Variants in EGF observed in about 807,000 individuals in gnomAD.
EGF encodes the protein epidermal growth factor, also known as pro-epidermal growth factor.
In EGF, 95 loss-of-function variants were observed where a neutral mutation model predicts 143.8. The observed-to-expected ratio is 0.66, with a 90% CI of 0.56 to 0.78. EGF has a LOEUF of 0.78. Ranked by LOEUF, EGF falls within the 30% of genes least tolerant of loss-of-function variation. The pLI is 0.00. For synonymous variants in EGF, 510 were observed against 510.5 expected (o/e 1.00, Z 0.01); for missense variants, 1,320 against 1,470.9 (o/e 0.90, Z 1.68).
intron 5 of EGF, among the ~76,000 whole-genome samples, chr4:109,951,258 T>G (rs1743871869): frequency 6.6e-6 from 1 of 152,104 alleles, no homozygotes; most frequent in African/African-American, 2.4e-5. Context: ...TTTGGGAGGC[T>G]GAGACAGGAG....
intron 1 of EGF, among the ~76,000 whole-genome samples, chr4:109,927,585 G>A (rs575670249): frequency 2.0e-5 from 3 of 151,934 alleles, no homozygotes; most frequent in African/African-American, 4.8e-5. Context: ...TTAGTTGGGC[G>A]TGGTGGCGGG....
At chr4:109,977,595 T>C (rs935881139) in intron 13 of EGF, 1 of 149,604 alleles carries the variant, frequency 6.7e-6, no homozygotes, top group Non-Finnish European at 1.5e-5. Context: ...TCCCAGCACT[T>C]TGGGAGGCCA....
intron 1 of EGF, among the ~76,000 whole-genome samples, chr4:109,927,549 C>A (rs1738905666): frequency 6.6e-6 from 1 of 151,740 alleles, no homozygotes; most frequent in Admixed American, 6.6e-5. Flanking sequence ...ACAGTGAAAC[C>A]CCGTCTCTAC....
At chr4:109,917,911 C>T (rs1204515611) in intron 1 of EGF, among the ~76,000 whole-genome samples, 8 of 152,160 alleles carry the variant, frequency 5.3e-5, no homozygotes, top group Non-Finnish European at 8.8e-5. Flanking sequence ...TGAGCCACCA[C>T]GACTGGCCTC....
intron 15 of EGF, among the ~76,000 whole-genome samples, chr4:109,982,083 C>A (rs1749456320): frequency 6.6e-6 from 1 of 151,548 alleles, no homozygotes; most frequent in Non-Finnish European, 1.5e-5. Flanking sequence ...CACAGGCATG[C>A]ACCACCATGC....
At chr4:109,986,821 G>A (rs998819608) in intron 16 of EGF, among the ~76,000 whole-genome samples, 1 of 152,036 alleles carries the variant, frequency 6.6e-6, no homozygotes, top group Non-Finnish European at 1.5e-5. Context: ...GATTTCAATG[G>A]AGTATGAAAT....
intron 11 of EGF, among the ~76,000 whole-genome samples, chr4:109,970,790 A>T (rs377314387): frequency 7.3e-6 from 1 of 137,118 alleles, no homozygotes; most frequent in Non-Finnish European, 1.5e-5. Context: ...GCACCACTGC[A>T]CTCCAGCCTG....
At chr4:109,984,647 A>G (rs11569033) in intron 16 of EGF, among the ~76,000 whole-genome samples, 1,926 of 152,292 alleles carry the variant, frequency 0.013, 23 homozygotes, top group Non-Finnish European at 0.017. Flanking sequence ...AAAAAAATCC[A>G]GGTATAAGTG....
chr4:109,992,170 TAAAAAAAAA>T lies in EGF; in HGVS notation c.2735-1055_2735-1047del, dbSNP rs58841408. Among the ~76,000 whole-genome samples, 20 of 65,640 alleles carry T rather than the reference TAAAAAAAAA, an allele frequency of 3.0e-4. No individual in the cohort carries two copies. In the East Asian group the frequency reaches 3.6e-3, roughly 12 times the overall value. The allele number at this position is 65,640 out of a possible 152,430, so 43.1% of individuals were successfully genotyped here. A position where few individuals can be genotyped will look rare whatever the true frequency, so the allele number is the denominator to read the frequency against. On this transcript the variant is annotated intron_variant, in intron 18 of 23. Coordinates refer to ENST00000265171, the MANE Select transcript of EGF (RefSeq NM_001963.6). ...TCCTTAGCAACCAAGCAAGATTCTT[TAAAAAAAAA>T]AAAAAAAAAAAAAAAAAAAAAGACA... is the stretch of plus-strand genomic sequence containing the variant.
intron 23 of EGF, among the ~76,000 whole-genome samples, chr4:110,008,862 T>G (rs1209649413): frequency 1.3e-5 from 2 of 152,212 alleles, no homozygotes; most frequent in Admixed American, 6.5e-5. Flanking sequence ...CTTTTGGTTT[T>G]GGGTCTCAGG....
intron 1 of EGF, among the ~76,000 whole-genome samples, chr4:109,930,561 A>G (rs766047723): frequency 1.1e-4 from 17 of 152,194 alleles, no homozygotes; most frequent in Non-Finnish European, 1.8e-4. Context: ...TGGTGAGGGC[A>G]GGTGGCAATG....
chr4:109,945,292 C>A lies in EGF; in HGVS notation c.940+17C>A. On this transcript the variant is annotated intron_variant, in intron 5 of 23. Transcript: ENST00000265171. ...GGGAGCCTGGTGAGTCATCGTTGACCTTGCGCAGGGCCTGACACATAGTTC... is the reference window on the plus strand; with the variant it reads ...GGGAGCCTGGTGAGTCATCGTTGACATTGCGCAGGGCCTGACACATAGTTC... 1.2e-6 allele frequency: 2 copies of A among 1,610,104 alleles called. No homozygotes were observed. The highest frequency in any genetic ancestry group is 1.7e-6 in the Non-Finnish European group (2 of 1,177,328).
rs529423872 is a variant in EGF, at chr4:109,964,496, G to A, written c.1534G>A (p.Gly512Arg). 1 of 1,613,930 alleles carries A rather than the reference G, an allele frequency of 6.2e-7. No homozygotes were observed. Among genetic ancestry groups the A allele is most frequent in the African/African-American group, 1.3e-5 (1 of 74,998 alleles). Residue 512 changes from glycine (G) to arginine (R), a missense_variant, in exon 10 of 24, where the codon GGA becomes AGA. By Grantham distance (125) the Gly-to-Arg change is moderately radical (BLOSUM62 -2). Around this residue, in one of 5 missense-constraint regions of EGF, gnomAD observed 1,186 missense variants for 1,313.7 expected, o/e 0.90. Coordinates refer to ENST00000265171, the MANE Select transcript of EGF (RefSeq NM_001963.6). The part of the protein sequence containing the change: ...DYGTLLSQQM[G>R]MVYALDHDPV... ...TGGAACTCTGCTCAGCCAGCAGATG[G>A]GAATGGTTTATGCCCTAGATCATGA...
chr4:109,918,549 C>T (rs1434474462), intron 1 of EGF, among the ~76,000 whole-genome samples: 8 of 152,074 alleles, frequency 5.3e-5, no homozygotes, highest in Non-Finnish European at 1.5e-5. Flanking sequence ...GAGGTGGGGG[C>T]TGTGATGAGG....
At chr4:109,989,820 C>T (rs145538598) in intron 18 of EGF, among the ~76,000 whole-genome samples, 48 of 152,232 alleles carry the variant, frequency 3.2e-4, no homozygotes, top group African/African-American at 1.0e-3. Context: ...GTATCGAGCA[C>T]GCAATGGGGT....
At chr4:109,968,707 T>TCTATCTATCTATCTACCTAC (rs139653683) in intron 10 of EGF, 70 of 351,420 alleles carry the variant, frequency 2.0e-4, no homozygotes, top group African/African-American at 5.6e-4. Context: ...TATCTATCTA[T>TCTATCTATCTATCTACCTAC]CTACCTACCT....
chr4:109,961,014 T>G, intron 7 of EGF, 25 bp downstream of exon 7: 2 of 1,613,178 alleles, frequency 1.2e-6, no homozygotes, highest in South Asian at 2.2e-5. Context: ...CAAGTATTTA[T>G]TGCATTAGTT....
At chr4:109,946,820 A>G (rs369915895) in intron 5 of EGF, among the ~76,000 whole-genome samples, 97 of 152,272 alleles carry the variant, frequency 6.4e-4, no homozygotes, top group African/African-American at 2.2e-3. Flanking sequence ...TCTTCTCTGA[A>G]TTCTTTAGCA....
At chr4:109,966,766 T>C (rs1746670236) in intron 10 of EGF, among the ~76,000 whole-genome samples, 1 of 152,186 alleles carries the variant, frequency 6.6e-6, no homozygotes, top group African/African-American at 2.4e-5. Context: ...TCATTGTGAT[T>C]TTGATTTTCA....
Sources: allele counts gnomAD v4.1 joint callset (sites outside exome capture counted in the v4.1 genomes callset), GRCh38; gene constraint gnomAD v4.1.1; regional missense constraint gnomAD v4.1.1; transcripts MANE v1.5; gene names NCBI Gene and HGNC (gene_info 2026-07-23, HGNC 2026-07-21).